The following TENM4 variants were observed in gnomAD, a reference collection of about 807,000 sequenced individuals.
The protein encoded by TENM4 is teneurin-4.
Under a neutral mutation model 243.3 loss-of-function variants are expected in TENM4, and 82 were observed. The observed-to-expected ratio is 0.34, with a 90% CI of 0.28 to 0.40. The LOEUF (loss-of-function observed/expected upper bound fraction) is 0.40, where lower values mean the gene tolerates loss of function less well. Ranked by LOEUF, TENM4 falls within the 10% of genes least tolerant of loss-of-function variation. TENM4 has a pLI of 1.00. For missense variants in TENM4, 3,138 were observed against 3,673.3 expected, an observed-to-expected ratio of 0.85 and a Z score of 3.77; for synonymous variants, 1,412 against 1,456.3, an observed-to-expected ratio of 0.97 and a Z score of 0.69.
chr11:78,720,274 T>G, intron 25 of TENM4, 96 bp downstream of exon 25: 1 of 1,400,240 alleles, frequency 7.1e-7, no homozygotes, highest in Non-Finnish European at 1.0e-6. Flanking sequence ...CAGGATTCTT[T>G]TGCCATACAG....
intron 6 of TENM4, 26 bp downstream of exon 6, chr11:79,064,712 C>A (rs574309898): frequency 2.3e-5 from 35 of 1,551,128 alleles, no homozygotes; most frequent in Non-Finnish European, 2.4e-5. Context: ...CCCAGGCACC[C>A]GGCACAGACC....
At chr11:79,200,344 G>T (rs1227184305) in intron 3 of TENM4, among the ~76,000 whole-genome samples, 1 of 152,198 alleles carries the variant, frequency 6.6e-6, no homozygotes, top group Non-Finnish European at 1.5e-5. Flanking sequence ...TTCTCACCCA[G>T]GTTTATCTCC....
At chr11:79,196,721 G>C (rs1863635125) in intron 3 of TENM4, among the ~76,000 whole-genome samples, 1 of 152,112 alleles carries the variant, frequency 6.6e-6, no homozygotes, top group Non-Finnish European at 1.5e-5. Flanking sequence ...TTGTTCTCAG[G>C]CTTCTGGCCC....
At chr11:79,192,578 T>A (rs971911851) in intron 3 of TENM4, among the ~76,000 whole-genome samples, 1 of 148,416 alleles carries the variant, frequency 6.7e-6, no homozygotes, top group East Asian at 1.9e-4. Flanking sequence ...AGCATGCTCG[T>A]TTAAGAGTCA....
chr11:79,257,574 C>T (rs1373862636), intron 2 of TENM4, among the ~76,000 whole-genome samples: 2 of 152,106 alleles, frequency 1.3e-5, no homozygotes, highest in African/African-American at 4.8e-5. Context: ...GGTGGAGGGG[C>T]CCACAGCTAA....
intron 4 of TENM4, among the ~76,000 whole-genome samples, chr11:79,098,823 G>A (rs912173030): frequency 6.6e-6 from 1 of 152,142 alleles, no homozygotes; most frequent in African/African-American, 2.4e-5. Context: ...CAATTTCAGT[G>A]TGAAAGGAAC....
intron 6 of TENM4, among the ~76,000 whole-genome samples, chr11:79,004,508 C>T (rs140892320): frequency 2.0e-5 from 3 of 152,198 alleles, no homozygotes; most frequent in Middle Eastern, 6.8e-3. Flanking sequence ...AATTAAACAA[C>T]CTTTTGTGTA....
intron 9 of TENM4, among the ~76,000 whole-genome samples, chr11:78,888,364 C>T (rs1855589947): frequency 6.6e-6 from 1 of 152,192 alleles, no homozygotes; most frequent in African/African-American, 2.4e-5. Context: ...CCACCTTGGC[C>T]TTGGAGCCAT....
chr11:79,232,687 T>C (rs1864394226), intron 2 of TENM4, among the ~76,000 whole-genome samples: 1 of 152,164 alleles, frequency 6.6e-6, no homozygotes, highest in Non-Finnish European at 1.5e-5. Flanking sequence ...ACAGGGAGAA[T>C]ATAAAGGAAT....
chr11:79,385,163 C>A (rs982434110), intron 1 of TENM4, among the ~76,000 whole-genome samples: 2 of 152,044 alleles, frequency 1.3e-5, no homozygotes. Flanking sequence ...CTTGGATCCA[C>A]GTTATAAACA....
intron 1 of TENM4, among the ~76,000 whole-genome samples, chr11:79,334,394 C>T (rs999300531): frequency 1.3e-5 from 2 of 152,226 alleles, no homozygotes; most frequent in African/African-American, 4.8e-5. Context: ...CAAAGAGCAA[C>T]TTTCACCGCA....
At chr11:78,754,434 C>G (rs981849197) in intron 19 of TENM4, among the ~76,000 whole-genome samples, 9 of 152,104 alleles carry the variant, frequency 5.9e-5, no homozygotes, top group Admixed American at 2.6e-4. Flanking sequence ...GGAGGACATA[C>G]AGGAGACGTG....
chr11:79,228,111 C>A (rs890678006), intron 2 of TENM4, among the ~76,000 whole-genome samples: 5 of 152,044 alleles, frequency 3.3e-5, no homozygotes, highest in South Asian at 4.2e-4. Flanking sequence ...ATAAACAGAC[C>A]GACACAGGCC....
chr11:79,029,244 T>C (rs1859164735), intron 6 of TENM4, among the ~76,000 whole-genome samples: 4 of 152,132 alleles, frequency 2.6e-5, no homozygotes, highest in African/African-American at 9.7e-5. Flanking sequence ...GCCTCTGCTC[T>C]TAAGGAGCTC....
chr11:79,143,403 A>G (rs1862331463), intron 4 of TENM4, among the ~76,000 whole-genome samples: 1 of 152,134 alleles, frequency 6.6e-6, no homozygotes, highest in South Asian at 2.1e-4. Context: ...GGAAACCATC[A>G]TTCTGAGCAA....
chr11:78,760,314 A>G (rs1363571105), intron 18 of TENM4, among the ~76,000 whole-genome samples: 1 of 152,232 alleles, frequency 6.6e-6, no homozygotes, highest in Non-Finnish European at 1.5e-5. Flanking sequence ...GGTGCTTAAG[A>G]GAGCCCTCTC....
chr11:78,826,056 T>C (rs988803851), intron 12 of TENM4, among the ~76,000 whole-genome samples: 1 of 141,024 alleles, frequency 7.1e-6, no homozygotes, highest in African/African-American at 2.6e-5. Flanking sequence ...ACAAACCAAA[T>C]AGAAAACCAA....
In TENM4 at chr11:78,975,966, C is replaced by T. The variant is rs192231273; in HGVS notation, c.494-72443G>A. Among the ~76,000 whole-genome samples the T allele has an allele frequency of 6.8e-3, 1,042 of 152,244 alleles. 6 individuals carry two copies. The highest frequency in any genetic ancestry group is 0.012 in the Non-Finnish European group (791 of 68,020). ...ACAGACTTGGAGGCTCAAACAGAGG[C>T]GGCTTAAGGTCACCCAGCCGGTGGG... On this transcript the variant is annotated intron_variant, in intron 6 of 33. Transcript: ENST00000278550.
chr11:78,698,423 C>CCAACCAACCAAA (rs1555066528), intron 28 of TENM4, among the ~76,000 whole-genome samples: 6 of 152,008 alleles, frequency 3.9e-5, no homozygotes, highest in African/African-American at 1.5e-4. Flanking sequence ...AACCAACCAA[C>CCAACCAACCAAA]CAAACAAACA....
Sources: gnomAD v4.1 joint callset for allele counts (sites outside exome capture counted in the v4.1 genomes callset) on GRCh38, gnomAD v4.1.1 for gene constraint, MANE v1.5 for transcripts, NCBI Gene and HGNC (gene_info 2026-07-23, HGNC 2026-07-21) for gene names.